ZNF106: variants seen among roughly 807,000 people sequenced by gnomAD.
ZNF106 encodes the protein zinc finger protein 106, also known as SH3-domain binding protein 3.
In ZNF106, 67 loss-of-function variants were observed where a neutral mutation model predicts 195.1. That is an observed-to-expected ratio of 0.34 (90% CI 0.28 to 0.42). The LOEUF is 0.42. ZNF106 is among the 10% of genes least tolerant of loss of function. The pLI is 1.00. For synonymous variants in ZNF106, 784 were observed against 818.6 expected (o/e 0.96, Z 0.72); for missense variants, 2,118 against 2,304.5 (o/e 0.92, Z 1.66).
chr15:42,466,043 G>A lies in ZNF106; in HGVS notation c.116+10C>T, dbSNP rs780776142. The A allele has an allele frequency of 1.4e-5, 22 of 1,531,386 alleles. No individual in the cohort carries two copies. Among genetic ancestry groups the A allele is most frequent in the Admixed American group, 7.9e-5 (4 of 50,340 alleles). The allele number at this position is 1,531,386 out of a possible 1,614,324, so 94.9% of individuals were successfully genotyped here. Reference sequence around the variant, plus strand: ...ATTCACAAACTTATGGAAGAGAGCCGTTCCCATACCTGCCCTTGAGGTTCT... The same window carrying A: ...ATTCACAAACTTATGGAAGAGAGCCATTCCCATACCTGCCCTTGAGGTTCT... On this transcript the variant is annotated intron_variant, in intron 3 of 21. Transcript: ENST00000564754.
intron 14 of ZNF106, among the ~76,000 whole-genome samples, chr15:42,433,505 CAG>C (rs1390848119): frequency 7.2e-6 from 1 of 138,228 alleles, no homozygotes; most frequent in Non-Finnish European, 1.5e-5. Flanking sequence ...TTTTTTTGGA[CAG>C]AGTCTTGCTC....
intron 3 of ZNF106, among the ~76,000 whole-genome samples, chr15:42,464,997 G>A (rs944471199): frequency 3.9e-5 from 6 of 152,250 alleles, no homozygotes; most frequent in African/African-American, 1.4e-4. Flanking sequence ...CCCTAGCTAC[G>A]TGGAACTCTG....
rs1251578230 is a variant in ZNF106 at position 42,424,499 on chromosome 15, T to C, written c.5190+335A>G. 6 of 285,560 alleles carry C rather than the reference T, an allele frequency of 2.1e-5. No individual in the cohort carries two copies. The Admixed American group carries it at 2.4e-4, about 11-fold the overall frequency. The allele number at this position is 285,560 out of a possible 1,614,324, so 17.7% of individuals were successfully genotyped here. On this transcript the variant is annotated intron_variant, in intron 16 of 21. Transcript: ENST00000564754. ...AACCCTTCTTTGTTTTGTTTTGCTT[T>C]GCTTGAGTCAAGGTCTCACTCTGTT...
chr15:42,471,552 G>A (rs1250355544), intron 2 of ZNF106, among the ~76,000 whole-genome samples: 2 of 152,090 alleles, frequency 1.3e-5, no homozygotes, highest in East Asian at 1.9e-4. Flanking sequence ...GCAACATGGT[G>A]AAACCCTGTC....
At chr15:42,471,705 T>G (rs530790331) in intron 2 of ZNF106, among the ~76,000 whole-genome samples, 1 of 152,172 alleles carries the variant, frequency 6.6e-6, no homozygotes, top group African/African-American at 2.4e-5. Flanking sequence ...CACTCCAGCA[T>G]AGGCAACACA....
Position 42,451,731 on chromosome 15 carries a change from T to C in ZNF106, c.541A>G (p.Arg181Gly), listed in dbSNP as rs1414801930. ...PHSLRNGGGPRGRSGWHKGVA... is the reference protein window; with the variant it reads ...PHSLRNGGGPGGRSGWHKGVA... ...CCCTTATGCCACCCGGAACGTCCTC[T>C]TGGTCCACCACCATTCCTCAAAGAA... Residue 181 changes from arginine (R) to glycine (G), a missense_variant, in exon 5 of 22, where the codon AGA (arginine) becomes GGA (glycine). Physicochemically the swap from Arg to Gly is moderately radical, Grantham distance 125. Transcript: ENST00000564754. 4 of 1,614,124 alleles carry C rather than the reference T, an allele frequency of 2.5e-6. No homozygotes were observed. Among genetic ancestry groups the C allele is most frequent in the Non-Finnish European group, 3.4e-6 (4 of 1,180,048 alleles).
chr15:42,485,058 A>T (rs1214857773), intron 1 of ZNF106, among the ~76,000 whole-genome samples: 1 of 152,040 alleles, frequency 6.6e-6, no homozygotes, highest in Non-Finnish European at 1.5e-5. Flanking sequence ...CTGAGACACA[A>T]GAATCACTTG....
In ZNF106 at chr15:42,418,668, C is replaced by T. The variant is rs180971284; in HGVS notation, c.5518-717G>A. 5.9e-5 allele frequency among the ~76,000 whole-genome samples: 9 copies of T among 151,440 alleles called. No individual in the cohort carries two copies. In the East Asian group the frequency reaches 1.8e-3, roughly 30 times the overall value. Reference sequence around the variant, plus strand: ...TGCTGGGATTACAGGCGTGAGCCACCGCACCCCGCCCGAAAGGGCTATTTT... The same window carrying T: ...TGCTGGGATTACAGGCGTGAGCCACTGCACCCCGCCCGAAAGGGCTATTTT... On this transcript the variant is annotated intron_variant, in intron 20 of 21. Coordinates refer to ENST00000564754, the MANE Select transcript of ZNF106 (RefSeq NM_001366845.3).
rs1194151251 is a variant in ZNF106 at position 42,451,740 on chromosome 15, C to G, written c.532G>C (p.Gly178Arg). Reference sequence around the variant, plus strand: ...CACCCGGAACGTCCTCTTGGTCCACCACCATTCCTCAAAGAATGTGGAAAG... The same window carrying G: ...CACCCGGAACGTCCTCTTGGTCCACGACCATTCCTCAAAGAATGTGGAAAG... ...NSFPHSLRNGGGPRGRSGWHK... is the reference protein window; with the variant it reads ...NSFPHSLRNGRGPRGRSGWHK... The change falls in exon 5 of 22, where the codon GGT (glycine) becomes CGT (arginine). Residue 178 changes from glycine to arginine, a missense_variant. Transcript: ENST00000564754. 1 of 1,614,220 alleles carries G rather than the reference C, an allele frequency of 6.2e-7. No individual in the cohort carries two copies. The highest frequency in any genetic ancestry group is 1.7e-5 in the Admixed American group (1 of 60,026).
intron 15 of ZNF106, among the ~76,000 whole-genome samples, chr15:42,426,143 G>A (rs1307944765): frequency 2.0e-5 from 3 of 152,092 alleles, no homozygotes; most frequent in Non-Finnish European, 4.4e-5. Context: ...AAGGTGGACC[G>A]GCCCTGGTAA....
rs918053000 is a variant in ZNF106 at position 42,476,426 on chromosome 15, T to C, written c.-32-4105A>G. Among the ~76,000 whole-genome samples, 7 of 152,204 alleles carry C rather than the reference T, an allele frequency of 4.6e-5. No individual in the cohort carries two copies. The East Asian group carries it at 1.4e-3, about 29-fold the overall frequency. The stretch of plus-strand genomic sequence containing the variant: ...GATCTCAACCAAGGTGACTGAGAAG[T>C]GACAAACTAGAAGTAAGTAAATAAG... On this transcript the variant is annotated intron_variant, in intron 1 of 21. Coordinates refer to ENST00000564754, the MANE Select transcript of ZNF106 (RefSeq NM_001366845.3).
At position 42,449,890 on chromosome 15, in the gene ZNF106, C is replaced by T; in HGVS notation, c.2382G>A (p.Glu794=). The T allele has an allele frequency of 1.9e-6, 3 of 1,614,194 alleles. No homozygotes were observed. Among genetic ancestry groups the T allele is most frequent in the Middle Eastern group, 1.6e-4 (1 of 6,062 alleles). Residue 794 remains glutamate (E), a synonymous_variant, in exon 5 of 22, where the codon GAG becomes GAA. Coordinates refer to ENST00000564754, the MANE Select transcript of ZNF106 (RefSeq NM_001366845.3). The stretch of plus-strand genomic sequence containing the variant: ...GCCGTAGGGTTGGCTTGAGCCCAGA[C>T]TCCTTCTCTGTCTCACTCTTTCGGT... ...SGHRKSETEK[E]SGLKPTLRQI...
intron 13 of ZNF106, among the ~76,000 whole-genome samples, chr15:42,436,249 G>A (rs988862649): frequency 3.3e-5 from 5 of 152,092 alleles, no homozygotes; most frequent in Admixed American, 6.6e-5. Context: ...CACTGTGCCC[G>A]GCCACTGGTG....
chr15:42,448,911 C>T (rs1369888060), intron 5 of ZNF106, among the ~76,000 whole-genome samples: 1 of 151,620 alleles, frequency 6.6e-6, no homozygotes, highest in Non-Finnish European at 1.5e-5. Flanking sequence ...TTGTATACAG[C>T]TATAATAATA....
Position 42,428,011 on chromosome 15 carries a change from C to CACT in ZNF106, c.4998+4_4998+6dup. 6.2e-7 allele frequency: 1 copy of CACT among 1,611,110 alleles called. No individual in the cohort carries two copies. The highest frequency in any genetic ancestry group is 1.3e-5 in the African/African-American group (1 of 75,002). On this transcript the variant is annotated splice_region_variant and intron_variant, in intron 15 of 21. Transcript: ENST00000564754. Reference sequence around the variant, plus strand: ...GGAAGTAAGCCTTTTCTCCTCCAACCACTAACCTTTATGTTGAAGGTGACC... The same window carrying CACT: ...GGAAGTAAGCCTTTTCTCCTCCAACCACTACTAACCTTTATGTTGAAGGTGACC...
rs566946215 is a variant in ZNF106 at position 42,466,038 on chromosome 15, G to A, written c.116+15C>T. 10 of 1,531,108 alleles carry A rather than the reference G, an allele frequency of 6.5e-6. No homozygotes were observed. In the Admixed American group the frequency reaches 1.8e-4, roughly 27 times the overall value. The allele number at this position is 1,531,108 out of a possible 1,614,324, so 94.8% of individuals were successfully genotyped here. The stretch of plus-strand genomic sequence containing the variant: ...CCCACATTCACAAACTTATGGAAGA[G>A]AGCCGTTCCCATACCTGCCCTTGAG... On this transcript the variant is annotated intron_variant, in intron 3 of 21. Coordinates refer to ENST00000564754, the MANE Select transcript of ZNF106 (RefSeq NM_001366845.3).
chr15:42,440,055 G>A (rs1165725346), intron 10 of ZNF106, among the ~76,000 whole-genome samples: 1 of 152,194 alleles, frequency 6.6e-6, no homozygotes, highest in Non-Finnish European at 1.5e-5. Context: ...TCCTTGTGGG[G>A]AGGGATTGTT....
At position 42,417,167 on chromosome 15, in the gene ZNF106, T is replaced by C. The variant is rs2054486273; in HGVS notation, c.*137A>G. The C allele has an allele frequency of 4.9e-6, 4 of 824,198 alleles. No homozygotes were observed. Among genetic ancestry groups the C allele is most frequent in the Non-Finnish European group, 7.8e-6 (4 of 514,308 alleles). 51.1% of individuals were successfully genotyped at this position (824,198 alleles called of 1,614,324 possible). A position where few individuals can be genotyped will look rare whatever the true frequency, so the allele number is the denominator to read the frequency against. ...ATCATCCCATAGAGCTGCCCAGACTTATGCTAGGGGTATGCCTGGCTAGTA... is the reference window on the plus strand; with the variant it reads ...ATCATCCCATAGAGCTGCCCAGACTCATGCTAGGGGTATGCCTGGCTAGTA... On this transcript the variant is annotated 3_prime_UTR_variant, in exon 22 of 22. Coordinates refer to ENST00000564754, the MANE Select transcript of ZNF106 (RefSeq NM_001366845.3).
intron 1 of ZNF106, among the ~76,000 whole-genome samples, chr15:42,484,934 G>A (rs958386248): frequency 1.1e-4 from 16 of 152,128 alleles, no homozygotes; most frequent in African/African-American, 2.9e-4. Context: ...GGAGGCGGGC[G>A]GATCGGTAGA....
Sources: allele counts gnomAD v4.1 joint callset (sites outside exome capture counted in the v4.1 genomes callset), GRCh38; gene constraint gnomAD v4.1.1; transcripts MANE v1.5; gene names NCBI Gene and HGNC (gene_info 2026-07-23, HGNC 2026-07-21).